Variants in MCTP1 observed in about 807,000 individuals in gnomAD.
The protein encoded by MCTP1 is multiple C2 and transmembrane domain containing 1.
MCTP1 carries 69 observed loss-of-function variants against 120.6 expected under a neutral mutation model. The observed-to-expected ratio is 0.57, with a 90% CI of 0.47 to 0.70. The LOEUF (loss-of-function observed/expected upper bound fraction) is 0.70. MCTP1 is among the 30% of genes least tolerant of loss of function. The pLI, the probability that MCTP1 is intolerant of heterozygous loss-of-function variation, is 0.00. For synonymous variants in MCTP1, 529 were observed against 493.1 expected, an observed-to-expected ratio of 1.07 and a Z score of -0.96; for missense variants, 1,203 against 1,248.8, an observed-to-expected ratio of 0.96 and a Z score of 0.55.
At chr5:94,951,434 G>A (rs1036157658) in intron 3 of MCTP1, among the ~76,000 whole-genome samples, 3 of 152,176 alleles carry the variant, frequency 2.0e-5, no homozygotes, top group African/African-American at 7.2e-5. Context: ...CTTTCATGGA[G>A]TAATATCCCA....
chr5:94,983,673 AT>A (rs1561969154), intron 2 of MCTP1, among the ~76,000 whole-genome samples: 8 of 35,444 alleles, frequency 2.3e-4, no homozygotes, highest in African/African-American at 1.3e-3. Flanking sequence ...CTGTCAATCT[AT>A]CTATCTATCT....
intron 17 of MCTP1, among the ~76,000 whole-genome samples, chr5:94,845,630 C>CCACTGCAA (rs1293145369): frequency 6.6e-6 from 1 of 152,084 alleles, no homozygotes; most frequent in African/African-American, 2.4e-5. Flanking sequence ...CTGCAACCTC[C>CCACTGCAA]CCTTCCTGGG....
chr5:94,721,976 A>G (rs1761027088), intron 19 of MCTP1, among the ~76,000 whole-genome samples: 1 of 151,940 alleles, frequency 6.6e-6, no homozygotes, highest in Middle Eastern at 3.2e-3. Context: ...TAATGATTCT[A>G]TACAATATTT....
chr5:94,956,236 G>A (rs1211463019), intron 2 of MCTP1, among the ~76,000 whole-genome samples: 2 of 152,132 alleles, frequency 1.3e-5, no homozygotes, highest in Non-Finnish European at 2.9e-5. Context: ...CAAAAAGGAT[G>A]ACCGTGGAAA....
chr5:94,942,450 C>T (rs159351), intron 3 of MCTP1, 23 bp from the exon 4 acceptor site: 388,072 of 1,547,942 alleles, frequency 0.25, 50,799 homozygotes, highest in East Asian at 0.53. Context: ...AGAGAAAAAG[C>T]CTTGTTATAA....
chr5:95,209,441 CAG>C (rs1193735591), intron 1 of MCTP1, among the ~76,000 whole-genome samples: 3 of 152,170 alleles, frequency 2.0e-5, no homozygotes, highest in African/African-American at 7.2e-5. Flanking sequence ...CTACTGTTAG[CAG>C]AGTTATTGCT....
chr5:95,000,099 C>T (rs1315097571), intron 2 of MCTP1, among the ~76,000 whole-genome samples: 1 of 152,164 alleles, frequency 6.6e-6, no homozygotes, highest in Non-Finnish European at 1.5e-5. Context: ...ACAAGATTAT[C>T]ATGGACCTGA....
At chr5:94,741,529 G>T (rs917356633) in intron 19 of MCTP1, among the ~76,000 whole-genome samples, 1 of 152,156 alleles carries the variant, frequency 6.6e-6, no homozygotes, top group Non-Finnish European at 1.5e-5. Flanking sequence ...ATCAATCTTG[G>T]ATGACAAAAG....
chr5:94,865,519 A>G (rs764430491), intron 17 of MCTP1, among the ~76,000 whole-genome samples: 6 of 151,826 alleles, frequency 4.0e-5, no homozygotes, highest in Non-Finnish European at 7.4e-5. Flanking sequence ...TCAACAGGGC[A>G]TGATGGGAAC....
chr5:95,143,703 A>G (rs1250912696), intron 1 of MCTP1, among the ~76,000 whole-genome samples: 2 of 152,202 alleles, frequency 1.3e-5, no homozygotes, highest in African/African-American at 4.8e-5. Context: ...AATGGCCTCC[A>G]GCTGCATCCA....
At chr5:94,831,026 C>T (rs1048730865) in intron 17 of MCTP1, among the ~76,000 whole-genome samples, 2 of 152,096 alleles carry the variant, frequency 1.3e-5, no homozygotes, top group Non-Finnish European at 2.9e-5. Flanking sequence ...AGATCCAGAT[C>T]CTAGTCCATG....
intron 1 of MCTP1, among the ~76,000 whole-genome samples, chr5:95,082,334 CAT>C (rs1431836786): frequency 1.3e-5 from 2 of 152,184 alleles, no homozygotes; most frequent in Non-Finnish European, 2.9e-5. Context: ...TTCTCCACCA[CAT>C]GTTATCCCTT....
chr5:94,918,951 G>C (rs570636562), intron 7 of MCTP1, among the ~76,000 whole-genome samples: 87 of 152,322 alleles, frequency 5.7e-4, no homozygotes, highest in Middle Eastern at 3.4e-3. Flanking sequence ...TTTGAATCTA[G>C]AGTTGCTGAG....
At chr5:94,865,057 T>C (rs1796542139) in intron 17 of MCTP1, among the ~76,000 whole-genome samples, 1 of 151,904 alleles carries the variant, frequency 6.6e-6, no homozygotes, top group African/African-American at 2.4e-5. Flanking sequence ...AGTAAAATTT[T>C]AAAACCGAAT....
At chr5:94,772,341 T>C (rs1444675526) in intron 19 of MCTP1, among the ~76,000 whole-genome samples, 2 of 152,154 alleles carry the variant, frequency 1.3e-5, no homozygotes, top group African/African-American at 4.8e-5. Flanking sequence ...CTTTAGGTAG[T>C]CCAGCTGTCT....
intron 17 of MCTP1, among the ~76,000 whole-genome samples, chr5:94,831,117 G>T (rs1788412558): frequency 6.6e-6 from 1 of 152,226 alleles, no homozygotes; most frequent in African/African-American, 2.4e-5. Flanking sequence ...CTACTGAAGT[G>T]CAGGGTCAAG....
At chr5:94,886,742 G>A (rs1202492679) in intron 12 of MCTP1, among the ~76,000 whole-genome samples, 2 of 152,140 alleles carry the variant, frequency 1.3e-5, no homozygotes, top group Non-Finnish European at 2.9e-5. Flanking sequence ...GAGGCTGACT[G>A]TTATTATCCA....
At chr5:94,727,476 C>T (rs765373833) in intron 19 of MCTP1, among the ~76,000 whole-genome samples, 9 of 152,178 alleles carry the variant, frequency 5.9e-5, no homozygotes, top group Non-Finnish European at 1.2e-4. Context: ...TCAATTTCAT[C>T]ATTTGTATGG....
intron 1 of MCTP1, among the ~76,000 whole-genome samples, chr5:95,097,991 A>G (rs1756400159): frequency 2.0e-5 from 3 of 152,228 alleles, no homozygotes; most frequent in Non-Finnish European, 2.9e-5. Context: ...GCTTTGAGTA[A>G]TAATAATTAG....
Sources: allele counts gnomAD v4.1 joint callset (sites outside exome capture counted in the v4.1 genomes callset), GRCh38; gene constraint gnomAD v4.1.1; transcripts MANE v1.5; gene names NCBI Gene and HGNC (gene_info 2026-07-23, HGNC 2026-07-21).